The following SPATA6L variants were observed in gnomAD, a reference collection of about 807,000 sequenced individuals.
SPATA6L encodes the protein spermatogenesis associated 6-like protein.
In SPATA6L, 68 loss-of-function variants were observed where a neutral mutation model predicts 49.2. The observed-to-expected ratio is 1.38, with a 90% CI of 1.14 to 1.69. SPATA6L has a LOEUF of 1.69. Ranked by LOEUF, SPATA6L falls within the 40% of genes most tolerant of loss-of-function variation. The probability of loss-of-function intolerance (pLI) is 0.00; values close to 1 mark genes in which losing one functional copy is unlikely to be tolerated. For missense variants in SPATA6L, 668 were observed against 464.3 expected (o/e 1.44, Z -4.03); for synonymous variants, 198 against 165.7 (o/e 1.19, Z -1.50).
chr9:4,625,520 G>A lies in SPATA6L; in HGVS notation c.476C>T (p.Pro159Leu). The change falls in exon 6 of 12, where the codon CCA (proline) becomes CTA (leucine). Residue 159 changes from proline to leucine, a missense_variant. Transcript: ENST00000682582. Reference sequence around the variant, plus strand: ...CTTTATAGTATTTAAGGGAAATATTGGTTCATGTGATGTAGATAAAGGCCT... The same window carrying A: ...CTTTATAGTATTTAAGGGAAATATTAGTTCATGTGATGTAGATAAAGGCCT... ...SRRPLSTSHE[P>L]IFPLNTIKMK... 1 of 1,612,440 alleles carries A rather than the reference G, an allele frequency of 6.2e-7. No homozygotes were observed. The highest frequency in any genetic ancestry group is 8.5e-7 in the Non-Finnish European group (1 of 1,179,208).
In SPATA6L at chr9:4,617,783, A is replaced by G. The variant is rs762818188; in HGVS notation, c.995+140T>C. 1.0e-5 allele frequency: 7 copies of G among 693,094 alleles called. No individual in the cohort carries two copies. In the East Asian group the frequency reaches 1.8e-4, roughly 18 times the overall value. The allele number at this position is 693,094 out of a possible 1,614,324, so 42.9% of individuals were successfully genotyped here. A position where few individuals can be genotyped will look rare whatever the true frequency, so the allele number is the denominator to read the frequency against. The stretch of plus-strand genomic sequence containing the variant: ...TGCCTCTGACTTTTGGGTAGATTTT[A>G]AAAGAAATAATCATTTTTTCATATC... On this transcript the variant is annotated intron_variant, in intron 9 of 11. Coordinates refer to ENST00000682582, the MANE Select transcript of SPATA6L (RefSeq NM_001353486.2).
downstream of SPATA6L, among the ~76,000 whole-genome samples, chr9:4,598,276 T>C (rs1194990160): frequency 6.6e-6 from 1 of 152,120 alleles, no homozygotes; most frequent in African/African-American, 2.4e-5. Context: ...ACCATAAAAA[T>C]CAAGAAAGGA....
intron 3 of SPATA6L, among the ~76,000 whole-genome samples, chr9:4,652,479 A>T (rs1260068572): frequency 6.6e-6 from 1 of 152,220 alleles, no homozygotes; most frequent in Non-Finnish European, 1.5e-5. Flanking sequence ...CACTTACAAC[A>T]GCTTCAGAGT....
intron 9 of SPATA6L, among the ~76,000 whole-genome samples, chr9:4,614,019 C>G (rs984749449): frequency 6.6e-6 from 1 of 150,804 alleles, no homozygotes; most frequent in Non-Finnish European, 1.5e-5. Flanking sequence ...CAAAGCGACT[C>G]TTTCATTTGT....
intron 10 of SPATA6L, 72 bp downstream of exon 10, chr9:4,605,275 C>A: frequency 8.5e-7 from 1 of 1,173,400 alleles, no homozygotes; most frequent in Non-Finnish European, 1.3e-6. Context: ...GTCTGTCTCC[C>A]CGACTAGACT....
intron 2 of SPATA6L, among the ~76,000 whole-genome samples, chr9:4,661,299 A>G (rs1390914570): frequency 6.6e-6 from 1 of 152,194 alleles, no homozygotes; most frequent in Non-Finnish European, 1.5e-5. Flanking sequence ...GTCAGTGATG[A>G]CATAGTAATA....
chr9:4,661,034 G>T (rs1587545042), intron 2 of SPATA6L, among the ~76,000 whole-genome samples: 3 of 152,118 alleles, frequency 2.0e-5, no homozygotes, highest in African/African-American at 7.2e-5. Flanking sequence ...CCTGTCGTGG[G>T]GTGGGGGGAA....
intron 3 of SPATA6L, among the ~76,000 whole-genome samples, chr9:4,651,235 C>G (rs1465164517): frequency 2.0e-5 from 3 of 152,072 alleles, no homozygotes; most frequent in African/African-American, 4.8e-5. Context: ...ATACTATGAA[C>G]AACTTTATGC....
intron 9 of SPATA6L, among the ~76,000 whole-genome samples, chr9:4,615,899 G>C (rs1440742701): frequency 6.6e-6 from 1 of 152,164 alleles, no homozygotes; most frequent in Non-Finnish European, 1.5e-5. Context: ...GTTTTCCCCA[G>C]TTCTGGTGGC....
At chr9:4,656,523 A>T (rs1220329726) in intron 2 of SPATA6L, among the ~76,000 whole-genome samples, 3 of 152,130 alleles carry the variant, frequency 2.0e-5, no homozygotes, top group African/African-American at 7.2e-5. Context: ...CGTAAATTAT[A>T]TTCTTCCAAG....
At chr9:4,643,080 TCATTG>T (rs762514516) in intron 3 of SPATA6L, among the ~76,000 whole-genome samples, 89 of 152,330 alleles carry the variant, frequency 5.8e-4, no homozygotes, top group Admixed American at 1.0e-3. Context: ...CAATCTTAGC[TCATTG>T]CAACCTCTGC....
At chr9:4,620,932 G>A (rs1018706186) in intron 7 of SPATA6L, among the ~76,000 whole-genome samples, 1 of 152,182 alleles carries the variant, frequency 6.6e-6, no homozygotes, top group African/African-American at 2.4e-5. Context: ...TAAATTAAAT[G>A]TCAGAGGTGA....
intron 6 of SPATA6L, among the ~76,000 whole-genome samples, chr9:4,622,895 T>A (rs1587143323): frequency 6.6e-6 from 1 of 152,062 alleles, no homozygotes; most frequent in Non-Finnish European, 1.5e-5. Flanking sequence ...CTAAATGGGG[T>A]CCTCAGTGAC....
intron 5 of SPATA6L, chr9:4,627,414 C>G (rs939533224): frequency 3.3e-5 from 6 of 182,864 alleles, no homozygotes; most frequent in East Asian, 1.7e-4. Flanking sequence ...TAGATTTGCA[C>G]AGATTATTGG....
intron 3 of SPATA6L, among the ~76,000 whole-genome samples, chr9:4,642,760 T>C (rs1834313035): frequency 6.6e-6 from 1 of 151,272 alleles, no homozygotes; most frequent in Admixed American, 6.6e-5. Context: ...ACAGGGAAAA[T>C]ATAACTGTTT....
In SPATA6L at chr9:4,633,499, G is replaced by A. The variant is rs10974684; in HGVS notation, c.351+1776C>T. On this transcript the variant is annotated intron_variant, in intron 4 of 11. Coordinates refer to ENST00000682582, the MANE Select transcript of SPATA6L (RefSeq NM_001353486.2). ...AAAAGATGATATCTGCCAATATATT[G>A]TAATAAAGCCCTTAAACAAAGAAGG... is the stretch of plus-strand genomic sequence containing the variant. 3.7e-3 allele frequency: 604 copies of A among 162,724 alleles called. 5 individuals are homozygous for A. The highest frequency in any genetic ancestry group is 0.014 in the African/African-American group (571 of 41,932). 10.1% of individuals were successfully genotyped at this position (162,724 alleles called of 1,614,324 possible). A position where few individuals can be genotyped will look rare whatever the true frequency, so the allele number is the denominator to read the frequency against.
At chr9:4,660,646 A>G (rs1027984910) in intron 2 of SPATA6L, among the ~76,000 whole-genome samples, 1 of 152,252 alleles carries the variant, frequency 6.6e-6, no homozygotes, top group Non-Finnish European at 1.5e-5. Context: ...ATCTAGAACT[A>G]GAAATACCAT....
intron 3 of SPATA6L, among the ~76,000 whole-genome samples, chr9:4,652,292 C>T (rs1001778386): frequency 6.6e-6 from 1 of 151,998 alleles, no homozygotes; most frequent in Non-Finnish European, 1.5e-5. Flanking sequence ...TGTGGTGGTG[C>T]ATGCCTGTAA....
intron 3 of SPATA6L, among the ~76,000 whole-genome samples, chr9:4,641,762 C>A (rs1016800326): frequency 6.6e-6 from 1 of 152,092 alleles, no homozygotes; most frequent in African/African-American, 2.4e-5. Flanking sequence ...AGACACACAT[C>A]AAATTGTTTT....
Sources: gnomAD v4.1 joint callset for allele counts (sites outside exome capture counted in the v4.1 genomes callset) on GRCh38, gnomAD v4.1.1 for gene constraint, MANE v1.5 for transcripts, NCBI Gene and HGNC (gene_info 2026-07-23, HGNC 2026-07-21) for gene names.